NUP35: variants seen among roughly 807,000 people sequenced by gnomAD.
The protein encoded by NUP35 is nucleoporin 35, also known as nucleoporin NUP35.
In NUP35, 25 loss-of-function variants were observed where a neutral mutation model predicts 41.5. The observed-to-expected ratio is 0.60, with a 90% CI of 0.44 to 0.84. NUP35 has a LOEUF of 0.84. Ranked by LOEUF, NUP35 falls within the 40% of genes least tolerant of loss-of-function variation. The pLI is 0.00. For synonymous variants in NUP35, 149 were observed against 130.7 expected, an observed-to-expected ratio of 1.14 and a Z score of -0.96; for missense variants, 396 against 396.6, an observed-to-expected ratio of 1.00 and a Z score of 0.01.
chr2:183,159,719 T>G (rs564445104), intron 8 of NUP35, 67 bp downstream of exon 8: 38 of 1,254,678 alleles, frequency 3.0e-5, no homozygotes, highest in Admixed American at 2.9e-4. Flanking sequence ...CTTAACTTTT[T>G]CATTGTATTG....
chr2:183,152,110 AACACACACACACAC>A (rs67798004), intron 5 of NUP35, among the ~76,000 whole-genome samples: 74 of 113,468 alleles, frequency 6.5e-4, no homozygotes, highest in East Asian at 1.1e-3. Context: ...AACATTTACA[AACACACACACACAC>A]ACACACACAC....
At chr2:183,157,377 T>C (rs945762150) in intron 5 of NUP35, 67 bp from the exon 6 acceptor site, 28 of 1,109,178 alleles carry the variant, frequency 2.5e-5, no homozygotes, top group Non-Finnish European at 3.6e-5. Flanking sequence ...AAACATTATC[T>C]TGTAGTAATT....
At chr2:183,135,063 C>A (rs773737244) in intron 4 of NUP35, among the ~76,000 whole-genome samples, 37 of 152,162 alleles carry the variant, frequency 2.4e-4, no homozygotes, top group Non-Finnish European at 8.8e-5. Flanking sequence ...CTCCCTCTCT[C>A]TTTTAAAGAC....
At chr2:183,148,841 G>C (rs993638755) in intron 4 of NUP35, among the ~76,000 whole-genome samples, 1 of 152,080 alleles carries the variant, frequency 6.6e-6, no homozygotes, top group Non-Finnish European at 1.5e-5. Flanking sequence ...TGTATTTTTA[G>C]TAGAGATAAG....
chr2:183,147,804 C>T (rs1170648964), intron 4 of NUP35, among the ~76,000 whole-genome samples: 4 of 152,062 alleles, frequency 2.6e-5, no homozygotes, highest in Admixed American at 1.3e-4. Flanking sequence ...AATCTATGAG[C>T]GTGGAATGTT....
intron 3 of NUP35, among the ~76,000 whole-genome samples, chr2:183,132,821 A>T (rs761911846): frequency 1.3e-4 from 20 of 152,236 alleles, no homozygotes; most frequent in Non-Finnish European, 2.6e-4. Flanking sequence ...CTTTCTAATC[A>T]TGAAAGAATT....
chr2:183,160,840 T>C, intron 8 of NUP35: 1 of 360,766 alleles, frequency 2.8e-6, no homozygotes, highest in East Asian at 4.9e-5. Context: ...CCCAGCACTT[T>C]GGCAGGCCGA....
At chr2:183,123,907 C>A, upstream of NUP35, 1 of 730,006 alleles carries the variant, frequency 1.4e-6, no homozygotes, top group Non-Finnish European at 1.7e-6. Flanking sequence ...TAATATGCAA[C>A]AAAACGGCGT....
intron 5 of NUP35, among the ~76,000 whole-genome samples, chr2:183,155,676 A>G (rs999393589): frequency 1.5e-4 from 23 of 151,988 alleles, no homozygotes; most frequent in African/African-American, 5.3e-4. Flanking sequence ...GCCTCAAGCA[A>G]TCCTTCTACC....
Position 183,159,856 on chromosome 2 carries a change from A to AG in NUP35, c.903+204_903+205insG, listed in dbSNP as rs1409866107. 4.3e-5 allele frequency: 20 copies of AG among 466,958 alleles called. No homozygotes were observed. The South Asian group carries it at 6.1e-4, about 14-fold the overall frequency. The allele number at this position is 466,958 out of a possible 1,614,324, so 28.9% of individuals were successfully genotyped here. Reference sequence around the variant, plus strand: ...AAAGTTATCATGAATTAAAAAAAAAAAATTATTTGCCATTCCTTTAAATTT... The same window carrying AG: ...AAAGTTATCATGAATTAAAAAAAAAAGAATTATTTGCCATTCCTTTAAATTT... On this transcript the variant is annotated intron_variant, in intron 8 of 8. Transcript: ENST00000295119.
Position 183,124,619 on chromosome 2 carries a change from C to T in NUP35, c.40+122C>T, listed in dbSNP as rs528634484. On this transcript the variant is annotated intron_variant, in intron 1 of 8. Transcript: ENST00000295119. The stretch of plus-strand genomic sequence containing the variant: ...CTGGTTTCAGTCGCGGAGAGGGAAT[C>T]CTTGGGTGCCCCCAAGTTCATAGTC... 8 of 1,268,754 alleles carry T rather than the reference C, an allele frequency of 6.3e-6. No individual in the cohort carries two copies. In the South Asian group the frequency reaches 7.4e-5, roughly 12 times the overall value. 78.6% of individuals were successfully genotyped at this position (1,268,754 alleles called of 1,614,324 possible). A position where few individuals can be genotyped will look rare whatever the true frequency, so the allele number is the denominator to read the frequency against.
chr2:183,133,323 C>CTT (rs33994337), intron 3 of NUP35, among the ~76,000 whole-genome samples: 4,812 of 141,862 alleles, frequency 0.034, 100 homozygotes, highest in Non-Finnish European at 0.047. Context: ...AGAAGATAGT[C>CTT]TTTTTTTTTT....
chr2:183,124,537 C>T (rs1700120781), intron 1 of NUP35, 40 bp downstream of exon 1: 1 of 1,612,704 alleles, frequency 6.2e-7, no homozygotes, highest in East Asian at 2.2e-5. Context: ...CACTGCCATC[C>T]ATGCTCTGGG....
intron 4 of NUP35, among the ~76,000 whole-genome samples, chr2:183,142,299 A>G (rs1685120449): frequency 6.6e-6 from 1 of 151,782 alleles, no homozygotes; most frequent in South Asian, 2.1e-4. Context: ...TTGTTTGATA[A>G]TTGCTTTCTC....
At chr2:183,153,443 G>A (rs1005112263) in intron 5 of NUP35, among the ~76,000 whole-genome samples, 17 of 152,164 alleles carry the variant, frequency 1.1e-4, no homozygotes, top group Admixed American at 8.5e-4. Context: ...GGATACAGTG[G>A]GGTTATAGGA....
rs114725670 is a variant in NUP35 at position 183,119,129 on chromosome 2, A to C, written c.-120-877A>C. 3.5e-3 allele frequency among the ~76,000 whole-genome samples: 536 copies of C among 152,206 alleles called. 4 individuals are homozygous for C. The highest frequency in any genetic ancestry group is 0.012 in the African/African-American group (512 of 41,536). On this transcript the variant is annotated intron_variant, in intron 1 of 9. Transcript: ENST00000409798. ...CGGGAAGCTGCCGATCACCAGTTTTAGGTGTTTCTATCTACTGGGAAACTG... is the reference window on the plus strand; with the variant it reads ...CGGGAAGCTGCCGATCACCAGTTTTCGGTGTTTCTATCTACTGGGAAACTG...
chr2:183,122,196 C>T (rs1700078662), upstream of NUP35, among the ~76,000 whole-genome samples: 1 of 152,058 alleles, frequency 6.6e-6, no homozygotes, highest in East Asian at 1.9e-4. Context: ...CCTGCCTCAG[C>T]CTCCCAAGTA....
At chr2:183,132,647 C>T (rs983770541) in intron 3 of NUP35, among the ~76,000 whole-genome samples, 1 of 152,184 alleles carries the variant, frequency 6.6e-6, no homozygotes, top group African/African-American at 2.4e-5. Context: ...TATTACTTCT[C>T]TGATGATACA....
intron 2 of NUP35, 147 bp from the exon 3 acceptor site, chr2:183,130,271 C>A: frequency 1.3e-6 from 1 of 773,518 alleles, no homozygotes; most frequent in Non-Finnish European, 2.0e-6. Flanking sequence ...TGAATTTTAA[C>A]AAGGTCCCCA....
Sources: allele counts gnomAD v4.1 joint callset (sites outside exome capture counted in the v4.1 genomes callset), GRCh38; gene constraint gnomAD v4.1.1; transcripts MANE v1.5; gene names NCBI Gene and HGNC (gene_info 2026-07-23, HGNC 2026-07-21).